The following FTO variants were observed in gnomAD, a reference collection of about 807,000 sequenced individuals.
FTO encodes the protein FTO alpha-ketoglutarate dependent dioxygenase.
Under a neutral mutation model 63.9 loss-of-function variants are expected in FTO, and 47 were observed. The ratio of observed to expected loss-of-function variants is 0.74; its 90% CI spans 0.58 to 0.94. FTO has a LOEUF of 0.94. Among genes scored for constraint, FTO ranks in the 40% least tolerant of loss-of-function variants. The pLI is 0.00. For missense variants in FTO, 562 were observed against 618.1 expected (o/e 0.91, Z 0.96); for synonymous variants, 207 against 224.4 (o/e 0.92, Z 0.69).
In FTO at chr16:54,004,543, C is replaced by CT. The variant is rs1296780720; in HGVS notation, c.1364+70435dup. Among the ~76,000 whole-genome samples the CT allele has an allele frequency of 2.6e-5, 4 of 152,102 alleles. 1 individual carries two copies. Among genetic ancestry groups the CT allele is most frequent in the Admixed American group, 2.6e-4 (4 of 15,270 alleles). Reference sequence around the variant, plus strand: ...TTGCTCACCATTATTATGAACTAAGCTACTCCATGGAACTAGAGCATAGCT... The same window carrying CT: ...TTGCTCACCATTATTATGAACTAAGCTTACTCCATGGAACTAGAGCATAGCT... On this transcript the variant is annotated intron_variant, in intron 8 of 8. Transcript: ENST00000471389.
At chr16:53,704,140 G>A (rs747654289), upstream of FTO, 19 of 1,546,246 alleles carry the variant, frequency 1.2e-5, no homozygotes, top group South Asian at 3.6e-5. Flanking sequence ...TCCAGGGCGA[G>A]GGATCTACGC....
chr16:54,096,585 C>T (rs1301406768), intron 8 of FTO, among the ~76,000 whole-genome samples: 1 of 152,186 alleles, frequency 6.6e-6, no homozygotes, highest in Non-Finnish European at 1.5e-5. Flanking sequence ...ACACATATCG[C>T]TCAGAGGATT....
chr16:53,806,079 A>T (rs1308359499), intron 1 of FTO, among the ~76,000 whole-genome samples: 1 of 152,174 alleles, frequency 6.6e-6, no homozygotes, highest in African/African-American at 2.4e-5. Flanking sequence ...GCGCATTTTA[A>T]TGTTGTGTGT....
intron 8 of FTO, among the ~76,000 whole-genome samples, chr16:54,039,047 T>C (rs1198551911): frequency 6.6e-6 from 1 of 152,178 alleles, no homozygotes; most frequent in Non-Finnish European, 1.5e-5. Flanking sequence ...GTGGGCGGCC[T>C]CCTGTTAACA....
intron 8 of FTO, among the ~76,000 whole-genome samples, chr16:53,949,940 G>A (rs531989067): frequency 7.2e-5 from 11 of 152,018 alleles, no homozygotes; most frequent in African/African-American, 2.2e-4. Flanking sequence ...CAGTTCATTC[G>A]TTCTTTAAAC....
At chr16:54,057,765 C>T (rs2085471219) in intron 8 of FTO, among the ~76,000 whole-genome samples, 3 of 152,056 alleles carry the variant, frequency 2.0e-5, no homozygotes, top group South Asian at 2.1e-4. Context: ...TATATAAATG[C>T]AAGTTTCACT....
chr16:53,783,774 T>A (rs1321088210), intron 1 of FTO, among the ~76,000 whole-genome samples: 1 of 151,590 alleles, frequency 6.6e-6, no homozygotes, highest in Non-Finnish European at 1.5e-5. Context: ...GGTGACAGAG[T>A]GAGACTTTGT....
At chr16:54,108,174 T>C (rs1234009096) in intron 8 of FTO, among the ~76,000 whole-genome samples, 3 of 152,138 alleles carry the variant, frequency 2.0e-5, no homozygotes, top group Non-Finnish European at 4.4e-5. Flanking sequence ...TCCTCACACA[T>C]TTCGTAAGAC....
intron 7 of FTO, 50 bp from the exon 8 acceptor site, chr16:53,933,935 A>T (rs1303794354): frequency 1.9e-6 from 3 of 1,575,190 alleles, no homozygotes. Flanking sequence ...GCTTTTTTTT[A>T]TTATTAATTT....
intron 8 of FTO, among the ~76,000 whole-genome samples, chr16:53,953,167 G>A (rs2082839534): frequency 6.6e-6 from 1 of 152,188 alleles, no homozygotes; most frequent in Non-Finnish European, 1.5e-5. Flanking sequence ...TCGACTTGAA[G>A]CCAGGGGCTA....
chr16:54,048,900 A>C (rs1179604083), intron 8 of FTO, among the ~76,000 whole-genome samples: 1 of 152,204 alleles, frequency 6.6e-6, no homozygotes, highest in Admixed American at 6.5e-5. Flanking sequence ...ACTGTGGAGA[A>C]ACATCTAATA....
chr16:53,747,148 T>C (rs1258427820), intron 1 of FTO, among the ~76,000 whole-genome samples: 1 of 152,232 alleles, frequency 6.6e-6, no homozygotes, highest in African/African-American at 2.4e-5. Flanking sequence ...GAATAGTGCA[T>C]AGTGCTGCAG....
At chr16:54,024,353 AGCTGGGATTACAGGT>A (rs1304836639) in intron 8 of FTO, among the ~76,000 whole-genome samples, 4 of 151,942 alleles carry the variant, frequency 2.6e-5, no homozygotes, top group African/African-American at 9.7e-5. Flanking sequence ...CCTCCCAAGT[AGCTGGGATTACAGGT>A]GCACACCACC....
At chr16:53,959,825 A>G (rs550497966) in intron 8 of FTO, among the ~76,000 whole-genome samples, 1 of 152,256 alleles carries the variant, frequency 6.6e-6, no homozygotes, top group African/African-American at 2.4e-5. Context: ...GGTAGGGTAC[A>G]AGCTGGGTCC....
At chr16:53,882,988 A>G (rs183418153) in intron 6 of FTO, among the ~76,000 whole-genome samples, 2 of 152,066 alleles carry the variant, frequency 1.3e-5, no homozygotes, top group South Asian at 4.1e-4. Context: ...TTTCTCTCTT[A>G]TTAGTCCCTG....
chr16:53,867,481 T>C (rs1391162259), intron 4 of FTO, among the ~76,000 whole-genome samples: 2 of 148,888 alleles, frequency 1.3e-5, no homozygotes, highest in Non-Finnish European at 3.0e-5. Context: ...TATTCAATTA[T>C]GTACGCCACA....
chr16:53,890,169 T>C (rs918368518), intron 7 of FTO, among the ~76,000 whole-genome samples: 3 of 152,190 alleles, frequency 2.0e-5, no homozygotes, highest in Non-Finnish European at 4.4e-5. Flanking sequence ...ATAGTACCTC[T>C]GCACAGAATT....
intron 8 of FTO, among the ~76,000 whole-genome samples, chr16:53,940,224 C>T (rs1339816712): frequency 6.6e-6 from 1 of 152,072 alleles, no homozygotes; most frequent in Admixed American, 6.5e-5. Context: ...TTGCATTTCC[C>T]TATTGACTAA....
intron 1 of FTO, among the ~76,000 whole-genome samples, chr16:53,714,536 G>A (rs2075848960): frequency 6.6e-6 from 1 of 151,918 alleles, no homozygotes; most frequent in African/African-American, 2.4e-5. Flanking sequence ...GCATTTTTTG[G>A]GCTTAAGAAT....
Sources: gnomAD v4.1 joint callset for allele counts (sites outside exome capture counted in the v4.1 genomes callset) on GRCh38, gnomAD v4.1.1 for gene constraint, MANE v1.5 for transcripts, NCBI Gene and HGNC (gene_info 2026-07-23, HGNC 2026-07-21) for gene names.